AHR: variants seen among roughly 807,000 people sequenced by gnomAD.
The protein encoded by AHR is aryl hydrocarbon receptor, also known as AH-receptor.
Under a neutral mutation model 86.8 loss-of-function variants are expected in AHR, and 40 were observed. The ratio of observed to expected loss-of-function variants is 0.46; its 90% CI spans 0.36 to 0.60. AHR has a LOEUF of 0.60. AHR is among the 20% of genes least tolerant of loss of function. The probability of loss-of-function intolerance (pLI) is 0.00; values close to 1 mark genes in which losing one functional copy is unlikely to be tolerated. For missense variants in AHR, 1,001 were observed against 1,011.6 expected, an observed-to-expected ratio of 0.99 and a Z score of 0.14; for synonymous variants, 398 against 354.9, an observed-to-expected ratio of 1.12 and a Z score of -1.37.
rs954860564 is a variant in AHR, at chr7:17,298,935, C to CCCGGGCCGCCTCACCTGCGGGCATTG, written c.-326_-301dup. On this transcript the variant is annotated 5_prime_UTR_variant, in exon 1 of 11. Transcript: ENST00000242057. ...ATAGACGGCCCAGGCTCCTCCTCCG[C>CCCGGGCCGCCTCACCTGCGGGCATTG]CCGGGCCGCCTCACCTGCGGGCATT... 1.8e-5 allele frequency: 8 copies of CCCGGGCCGCCTCACCTGCGGGCATTG among 434,642 alleles called. No individual in the cohort carries two copies. The highest frequency in any genetic ancestry group is 2.8e-5 in the Non-Finnish European group (7 of 249,412). 26.9% of individuals were successfully genotyped at this position (434,642 alleles called of 1,614,324 possible).
intron 1 of AHR, among the ~76,000 whole-genome samples, chr7:17,300,581 C>T (rs1265696415): frequency 6.6e-6 from 1 of 152,122 alleles, no homozygotes; most frequent in Non-Finnish European, 1.5e-5. Flanking sequence ...TATAAATAGA[C>T]TGATGAAAAT....
Position 17,299,039 on chromosome 7 carries a change from C to T in AHR, c.-226C>T. On this transcript the variant is annotated 5_prime_UTR_variant, in exon 1 of 11. Transcript: ENST00000242057. ...CTCCGCCCCTCGCCCACCCTCACTGCGCCAGGCCCAGGCAGCTCACCTGTA... is the reference window on the plus strand; with the variant it reads ...CTCCGCCCCTCGCCCACCCTCACTGTGCCAGGCCCAGGCAGCTCACCTGTA... The T allele has an allele frequency of 2.0e-6, 1 of 488,044 alleles. No homozygotes were observed. The highest frequency in any genetic ancestry group is 3.5e-6 in the Non-Finnish European group (1 of 284,612). The allele number at this position is 488,044 out of a possible 1,614,324, so 30.2% of individuals were successfully genotyped here. A position where few individuals can be genotyped will look rare whatever the true frequency, so the allele number is the denominator to read the frequency against.
chr7:17,299,410 C>A, intron 1 of AHR, 81 bp downstream of exon 1: 1 of 1,482,964 alleles, frequency 6.7e-7, no homozygotes, highest in Non-Finnish European at 9.2e-7. Flanking sequence ...ACCCCGCCCC[C>A]AAATCCCTGC....
At position 17,339,293 on chromosome 7, in the gene AHR, A is replaced by G. The variant is rs61755968; in HGVS notation, c.1468A>G (p.Met490Val). The G allele has an allele frequency of 1.5e-3, 2,495 of 1,614,188 alleles. 18 individuals are homozygous for G. The Middle Eastern group carries it at 0.035, about 23-fold the overall frequency. Reference protein sequence around the residue: ...PFENNFFNESMNECRNWQDNT... With the variant: ...PFENNFFNESVNECRNWQDNT... The stretch of plus-strand genomic sequence containing the variant: ...TGAAAACAACTTTTTCAACGAATCT[A>G]TGAATGAATGCAGAAATTGGCAAGA... Residue 490 changes from methionine to valine, a missense_variant, in exon 10 of 11, where the codon ATG becomes GTG. Transcript: ENST00000242057.
intron 1 of AHR, among the ~76,000 whole-genome samples, chr7:17,305,614 A>G (rs988584421): frequency 2.6e-5 from 4 of 152,298 alleles, no homozygotes; most frequent in Non-Finnish European, 4.4e-5. Context: ...AGAGTAGATT[A>G]AATCACCCCG....
Position 17,343,134 on chromosome 7 carries a change from T to C in AHR, c.*70T>C, listed in dbSNP as rs1291336027. On this transcript the variant is annotated 3_prime_UTR_variant, in exon 11 of 11. Transcript: ENST00000242057. Reference sequence around the variant, plus strand: ...GTGAAGGATTATGGAAAAATAAAACTGTCACTGTTGGACGTCAGCAAGTTC... The same window carrying C: ...GTGAAGGATTATGGAAAAATAAAACCGTCACTGTTGGACGTCAGCAAGTTC... 2.6e-6 allele frequency: 4 copies of C among 1,555,278 alleles called. No homozygotes were observed. Among genetic ancestry groups the C allele is most frequent in the African/African-American group, 2.7e-5 (2 of 73,372 alleles).
At position 17,330,753 on chromosome 7, in the gene AHR, C is replaced by T. The variant is rs1782279880; in HGVS notation, c.575-3C>T. Reference sequence around the variant, plus strand: ...AAATTTTGTTTTGCCTTTATTTCTACAGAAGCCACTGGTCTCCCCCAGACA... The same window carrying T: ...AAATTTTGTTTTGCCTTTATTTCTATAGAAGCCACTGGTCTCCCCCAGACA... On this transcript the variant is annotated splice_polypyrimidine_tract_variant and splice_region_variant and intron_variant, in intron 5 of 10. Transcript: ENST00000242057. 11 of 1,556,136 alleles carry T rather than the reference C, an allele frequency of 7.1e-6. No individual in the cohort carries two copies. Among genetic ancestry groups the T allele is most frequent in the Non-Finnish European group, 9.6e-6 (11 of 1,148,804 alleles).
chr7:17,333,578 A>T (rs1308932020), intron 6 of AHR, among the ~76,000 whole-genome samples: 2 of 151,920 alleles, frequency 1.3e-5, no homozygotes, highest in Non-Finnish European at 2.9e-5. Context: ...ACCATTCAGG[A>T]TATATTGATT....
Position 17,339,178 on chromosome 7 carries a change from C to T in AHR, c.1353C>T (p.Leu451=). 1 of 1,614,204 alleles carries T rather than the reference C, an allele frequency of 6.2e-7. No homozygotes were observed. The highest frequency in any genetic ancestry group is 1.1e-5 in the South Asian group (1 of 91,082). ...CATCCACTCTAAGCAAGGACTCTCT[C>T]AATCCTAGTTCCCTCCTGGCTGCCA... ...ATTSTLSKDS[L]NPSSLLAAMM... Residue 451 remains leucine, a synonymous_variant, in exon 10 of 11, where the codon CTC becomes CTT. Coordinates refer to ENST00000242057, the MANE Select transcript of AHR (RefSeq NM_001621.5).
chr7:17,331,486 G>A (rs1212077192), intron 6 of AHR, among the ~76,000 whole-genome samples: 1 of 151,874 alleles, frequency 6.6e-6, no homozygotes, highest in African/African-American at 2.4e-5. Flanking sequence ...ATAACACGAA[G>A]CCTTGTATTT....
At chr7:17,335,951 T>A in intron 9 of AHR, 165 bp downstream of exon 9, 1 of 642,642 alleles carries the variant, frequency 1.6e-6, no homozygotes, top group Non-Finnish European at 2.5e-6. Flanking sequence ...GAAGATAGAA[T>A]TGACGAACTT....
At chr7:17,316,435 G>A (rs909497618) in intron 2 of AHR, among the ~76,000 whole-genome samples, 9 of 152,098 alleles carry the variant, frequency 5.9e-5, no homozygotes, top group East Asian at 1.9e-4. Context: ...CCAGGACAAC[G>A]TAGTGAGACC....
intron 9 of AHR, chr7:17,336,067 G>C (rs1319758996): frequency 7.6e-6 from 2 of 263,010 alleles, no homozygotes; most frequent in Non-Finnish European, 1.4e-5. Flanking sequence ...TGGTAAAAAA[G>C]AAGAAAAATA....
intron 1 of AHR, among the ~76,000 whole-genome samples, chr7:17,300,474 A>C (rs1360522325): frequency 6.6e-6 from 1 of 152,214 alleles, no homozygotes; most frequent in East Asian, 1.9e-4. Flanking sequence ...ATTGGTTTAA[A>C]GTTTCATTCT....
chr7:17,299,442 C>G (rs565884543), intron 1 of AHR, 113 bp downstream of exon 1: 1 of 1,179,364 alleles, frequency 8.5e-7, no homozygotes, highest in Admixed American at 2.4e-5. Flanking sequence ...TAGGTCCATT[C>G]CCGGCACTGC....
rs1371444855 is a variant in AHR, at chr7:17,311,596, CA to C, written c.253+1474del. ...TTTGGACAAAAGCTATTTAGTTTAA[CA>C]GTTGTGGTCTGGGCAATATACAGAT... On this transcript the variant is annotated intron_variant, in intron 2 of 10. Coordinates refer to ENST00000242057, the MANE Select transcript of AHR (RefSeq NM_001621.5). Among the ~76,000 whole-genome samples the C allele has an allele frequency of 2.0e-5, 3 of 152,226 alleles. No homozygotes were observed. The East Asian group carries it at 5.8e-4, about 29-fold the overall frequency.
chr7:17,338,555 C>T lies in AHR; in HGVS notation c.1161-431C>T, dbSNP rs574450853. 2.6e-5 allele frequency among the ~76,000 whole-genome samples: 4 copies of T among 152,066 alleles called. No homozygotes were observed. The East Asian group carries it at 7.7e-4, about 29-fold the overall frequency. ...TTTTTTGTAGAGGTGAGGGTCTTGC[C>T]ATGTTGCCCAGGTTTGTCTCAAAAT... On this transcript the variant is annotated intron_variant, in intron 9 of 10. Coordinates refer to ENST00000242057, the MANE Select transcript of AHR (RefSeq NM_001621.5).
chr7:17,320,870 C>A (rs965259472), intron 2 of AHR, among the ~76,000 whole-genome samples: 1 of 152,098 alleles, frequency 6.6e-6, no homozygotes, highest in Non-Finnish European at 1.5e-5. Context: ...AGAGACCGTG[C>A]TTTTGGCTGT....
At position 17,317,073 on chromosome 7, in the gene AHR, C is replaced by G. The variant is rs1782122045; in HGVS notation, c.254-5428C>G. On this transcript the variant is annotated intron_variant, in intron 2 of 10. Transcript: ENST00000242057. ...ACTGTTATGGAAATCATAGTTATTTCCTGCAGAATCCTGATATTTCACTTG... is the reference window on the plus strand; with the variant it reads ...ACTGTTATGGAAATCATAGTTATTTGCTGCAGAATCCTGATATTTCACTTG... 2.7e-5 allele frequency among the ~76,000 whole-genome samples: 4 copies of G among 148,838 alleles called. No individual in the cohort carries two copies. The South Asian group carries it at 8.4e-4, about 31-fold the overall frequency.
Sources: allele counts gnomAD v4.1 joint callset (sites outside exome capture counted in the v4.1 genomes callset), GRCh38; gene constraint gnomAD v4.1.1; transcripts MANE v1.5; gene names NCBI Gene and HGNC (gene_info 2026-07-23, HGNC 2026-07-21).